Variants in RYR3 observed in about 807,000 individuals in gnomAD.
The protein encoded by RYR3 is brain ryanodine receptor-calcium release channel.
In RYR3, 207 loss-of-function variants were observed where a neutral mutation model predicts 584.3. That is an observed-to-expected ratio of 0.35 (90% CI 0.32 to 0.40). The LOEUF is 0.40. Among genes scored for constraint, RYR3 ranks in the 10% least tolerant of loss-of-function variants. The probability of loss-of-function intolerance (pLI) is 1.00; values close to 1 mark genes in which losing one functional copy is unlikely to be tolerated. For missense variants in RYR3, 5,616 were observed against 6,089.2 expected (o/e 0.92, Z 2.59); for synonymous variants, 2,416 against 2,248.5 (o/e 1.07, Z -2.11).
At chr15:33,702,733 G>C (rs1431032644) in intron 42 of RYR3, among the ~76,000 whole-genome samples, 2 of 152,040 alleles carry the variant, frequency 1.3e-5, no homozygotes, top group Non-Finnish European at 2.9e-5. Flanking sequence ...TCTGGAGCAA[G>C]AAAAGAAGCA....
At chr15:33,517,381 A>G (rs531597967) in intron 3 of RYR3, among the ~76,000 whole-genome samples, 131 of 152,336 alleles carry the variant, frequency 8.6e-4, no homozygotes, top group Non-Finnish European at 1.6e-3. Flanking sequence ...TTAGAATTTG[A>G]ACTGAGAATC....
intron 16 of RYR3, among the ~76,000 whole-genome samples, chr15:33,588,106 C>T (rs2058947970): frequency 6.6e-6 from 1 of 152,220 alleles, no homozygotes; most frequent in South Asian, 2.1e-4. Context: ...TTATTTTGCA[C>T]TTAACAAATG....
rs145417801 is a variant in RYR3 at position 33,720,001 on chromosome 15, G to C, written c.6620-2714G>C. On this transcript the variant is annotated intron_variant, in intron 43 of 103. Transcript: ENST00000634891. ...ATAAAAACTGATTGTTTTTTAGTGTGTGATACATTGGATAGAACTTGAAGA... is the reference window on the plus strand; with the variant it reads ...ATAAAAACTGATTGTTTTTTAGTGTCTGATACATTGGATAGAACTTGAAGA... Among the ~76,000 whole-genome samples, 442 of 152,230 alleles carry C rather than the reference G, an allele frequency of 2.9e-3. 4 individuals are homozygous for C. The highest frequency in any genetic ancestry group is 0.01 in the African/African-American group (417 of 41,536).
rs1284914999 is a variant in RYR3 at position 33,659,783 on chromosome 15, C to T, written c.4372C>T (p.Gln1458Ter). The T allele has an allele frequency of 6.2e-7, 1 of 1,611,932 alleles. No homozygotes were observed. The highest frequency in any genetic ancestry group is 8.5e-7 in the Non-Finnish European group (1 of 1,178,232). The change falls in exon 33 of 104, where the codon CAG (glutamine) becomes TAG (stop). Residue 1458 changes from glutamine to a stop codon, truncating the protein, a stop_gained. Coordinates refer to ENST00000634891, the MANE Select transcript of RYR3 (RefSeq NM_001036.6). LOFTEE classifies it high-confidence loss of function. The stretch of plus-strand genomic sequence containing the variant: ...GCAGCCTACAAGTACTTCTTTGTTT[C>T]AGTTTGAACTTGGAAAGCTGAAGGT... ...FLQPTSTSLF[Q>*]FELGKLKNAM...
chr15:33,776,402 A>G (rs183212200), intron 64 of RYR3, among the ~76,000 whole-genome samples: 722 of 152,368 alleles, frequency 4.7e-3, no homozygotes, highest in Admixed American at 7.7e-3. Context: ...TGATGAACTT[A>G]AAGAGCATTT....
In RYR3 at chr15:33,860,615, G is replaced by A. The variant is rs754204950; in HGVS notation, c.14320G>A (p.Gly4774Arg). 6 of 1,591,492 alleles carry A rather than the reference G, an allele frequency of 3.8e-6. No individual in the cohort carries two copies. The highest frequency in any genetic ancestry group is 2.3e-5 in the South Asian group (2 of 87,020). ...IIQGLIIDAFGELRDQQEQVR... is the reference protein window; with the variant it reads ...IIQGLIIDAFRELRDQQEQVR... ...TCCAGGTCTTATTATTGATGCTTTC[G>A]GAGAGCTAAGAGACCAGCAGGAACA... Residue 4774 changes from glycine (G) to arginine (R), a missense_variant, in exon 101 of 104, where the codon GGA (glycine) becomes AGA (arginine). Physicochemically the swap from Gly to Arg is moderately radical, Grantham distance 125. This residue lies in a region of RYR3 where 918 missense variants were observed against 887.4 expected (regional missense o/e 1.03). Coordinates refer to ENST00000634891, the MANE Select transcript of RYR3 (RefSeq NM_001036.6).
chr15:33,687,528 A>G (rs2065099516), intron 38 of RYR3, among the ~76,000 whole-genome samples: 1 of 152,238 alleles, frequency 6.6e-6, no homozygotes, highest in Admixed American at 6.5e-5. Flanking sequence ...CCATCAAGCT[A>G]CCAATGACTT....
chr15:33,815,844 A>C, intron 74 of RYR3: 1 of 398,574 alleles, frequency 2.5e-6, no homozygotes, highest in Non-Finnish European at 4.4e-6. Flanking sequence ...ACACAAAATT[A>C]ATAATTTCTT....
At chr15:33,825,572 C>T (rs780658184) in intron 81 of RYR3, 31 bp from the exon 82 acceptor site, 10 of 1,515,090 alleles carry the variant, frequency 6.6e-6, no homozygotes, top group Non-Finnish European at 9.1e-6. Flanking sequence ...GTGCGTAGCC[C>T]TGAACCTTGT....
In RYR3 at chr15:33,810,665, G is replaced by A; in HGVS notation, c.10197+16G>A. ...ATACAGCCATGTAAGCTGCCCGTCT[G>A]CCTGGGCTGAGTGTGTGATCCACAT... On this transcript the variant is annotated intron_variant, in intron 71 of 103. Coordinates refer to ENST00000634891, the MANE Select transcript of RYR3 (RefSeq NM_001036.6). The A allele has an allele frequency of 6.2e-7, 1 of 1,613,870 alleles. No homozygotes were observed. The highest frequency in any genetic ancestry group is 8.5e-7 in the Non-Finnish European group (1 of 1,179,842).
intron 85 of RYR3, among the ~76,000 whole-genome samples, chr15:33,830,614 G>A (rs1052632863): frequency 3.1e-5 from 4 of 128,232 alleles, no homozygotes; most frequent in East Asian, 2.4e-4. Flanking sequence ...TCAGAACAAC[G>A]TCTGGCACTT....
intron 38 of RYR3, among the ~76,000 whole-genome samples, chr15:33,680,186 C>G (rs1480955812): frequency 1.3e-5 from 2 of 152,202 alleles, no homozygotes; most frequent in Non-Finnish European, 2.9e-5. Context: ...TAAAATAGTG[C>G]TCAGCTGGAT....
chr15:33,335,326 C>T (rs376976803), intron 1 of RYR3, among the ~76,000 whole-genome samples: 1 of 152,220 alleles, frequency 6.6e-6, no homozygotes, highest in Admixed American at 6.5e-5. Flanking sequence ...AGTACATATA[C>T]ACCATGGAAT....
intron 1 of RYR3, among the ~76,000 whole-genome samples, chr15:33,312,450 C>T (rs1312072961): frequency 6.6e-6 from 1 of 152,150 alleles, no homozygotes; most frequent in Non-Finnish European, 1.5e-5. Context: ...CTTCATCCTT[C>T]GTCTGACCTG....
At chr15:33,403,917 T>C (rs1278702554) in intron 1 of RYR3, among the ~76,000 whole-genome samples, 3 of 150,414 alleles carry the variant, frequency 2.0e-5, no homozygotes, top group African/African-American at 7.5e-5. Context: ...GAGAGATTGT[T>C]AGCCATAATT....
At chr15:33,681,025 T>C (rs548182752) in intron 38 of RYR3, among the ~76,000 whole-genome samples, 12 of 152,320 alleles carry the variant, frequency 7.9e-5, no homozygotes, top group South Asian at 2.1e-4. Flanking sequence ...GCTTTCTGTG[T>C]TTAATGTCAG....
At chr15:33,772,349 C>T (rs2073640861) in intron 63 of RYR3, among the ~76,000 whole-genome samples, 191 bp downstream of exon 63, 1 of 152,018 alleles carries the variant, frequency 6.6e-6, no homozygotes, top group Non-Finnish European at 1.5e-5. Context: ...GAAAGAAATT[C>T]CCTAATTTGA....
chr15:33,814,185 C>T (rs1035258874), intron 74 of RYR3, among the ~76,000 whole-genome samples: 1 of 152,158 alleles, frequency 6.6e-6, no homozygotes, highest in Non-Finnish European at 1.5e-5. Context: ...TCCTTGTCAA[C>T]ATAGGGAATA....
chr15:33,651,760 A>G (rs2062486024), intron 31 of RYR3, among the ~76,000 whole-genome samples: 1 of 152,190 alleles, frequency 6.6e-6, no homozygotes, highest in South Asian at 2.1e-4. Flanking sequence ...TAAGATGTTT[A>G]AAGGGGCTGC....
Sources: gnomAD v4.1 joint callset for allele counts (sites outside exome capture counted in the v4.1 genomes callset) on GRCh38, gnomAD v4.1.1 for gene constraint, gnomAD v4.1.1 regional missense constraint, MANE v1.5 for transcripts, NCBI Gene and HGNC (gene_info 2026-07-23, HGNC 2026-07-21) for gene names.